Variants in REV3L observed in about 807,000 individuals in gnomAD.
REV3L encodes the protein REV3 like, DNA directed polymerase zeta catalytic subunit, also known as DNA polymerase zeta catalytic subunit.
Under a neutral mutation model 299.4 loss-of-function variants are expected in REV3L, and 69 were observed. The ratio of observed to expected loss-of-function variants is 0.23; its 90% CI spans 0.19 to 0.28. REV3L has a LOEUF of 0.28. Among genes scored for constraint, REV3L ranks in the 10% least tolerant of loss-of-function variants. REV3L has a pLI of 1.00. For missense variants in REV3L, 3,128 were observed against 3,693.8 expected (o/e 0.85, Z 3.97); for synonymous variants, 1,238 against 1,271.4 (o/e 0.97, Z 0.56).
At position 111,376,086 on chromosome 6, in the gene REV3L, C is replaced by T. The variant is rs747077009; in HGVS notation, c.2269G>A (p.Val757Met). ...LSCSGENRTMVHSLNSTADES... is the reference protein window; with the variant it reads ...LSCSGENRTMMHSLNSTADES... ...TCAGCAGTGCTATTAAGAGAATGCACCATAGTTCTATTCTCCCCTGAGCAT... is the reference window on the plus strand; with the variant it reads ...TCAGCAGTGCTATTAAGAGAATGCATCATAGTTCTATTCTCCCCTGAGCAT... Residue 757 changes from valine to methionine, a missense_variant, in exon 13 of 32, where the codon GTG becomes ATG. Physicochemically the swap from Val to Met is conservative, Grantham distance 21 (BLOSUM62 1). This residue lies in a region of REV3L where 2,409 missense variants were observed against 2,611.8 expected (regional missense o/e 0.92). Coordinates refer to ENST00000368802, the MANE Select transcript of REV3L (RefSeq NM_001372078.1). 5.0e-6 allele frequency: 8 copies of T among 1,613,476 alleles called. No individual in the cohort carries two copies. The highest frequency in any genetic ancestry group is 3.3e-4 in the Middle Eastern group (2 of 6,080).
chr6:111,468,218 C>A lies in REV3L; in HGVS notation c.139+14532G>T, dbSNP rs1013512245. Among the ~76,000 whole-genome samples the A allele has an allele frequency of 5.9e-5, 9 of 152,280 alleles. No homozygotes were observed. In the South Asian group the frequency reaches 1.7e-3, roughly 28 times the overall value. ...GATTTGATAATGCCAGGATCTTTTC[C>A]TTCCATTCCCATGCCTAATACTTAA... On this transcript the variant is annotated intron_variant, in intron 1 of 31. Coordinates refer to ENST00000368802, the MANE Select transcript of REV3L (RefSeq NM_001372078.1).
chr6:111,436,837 C>T (rs890880897), intron 1 of REV3L, among the ~76,000 whole-genome samples: 3 of 152,164 alleles, frequency 2.0e-5, no homozygotes, highest in African/African-American at 7.2e-5. Context: ...ATCCCAATTA[C>T]ACTGATTTGA....
Position 111,482,955 on chromosome 6 carries a change from C to A in REV3L, c.-67G>T. The A allele has an allele frequency of 6.9e-7, 1 of 1,445,540 alleles. No individual in the cohort carries two copies. Among genetic ancestry groups the A allele is most frequent in the Non-Finnish European group, 9.0e-7 (1 of 1,105,540 alleles). 89.5% of individuals were successfully genotyped at this position (1,445,540 alleles called of 1,614,324 possible). Reference sequence around the variant, plus strand: ...GCAGCGGCAGCAGCAGCGGCGGCGGCTCCCTCCGCAGCGGCGGCGGCGCCC... The same window carrying A: ...GCAGCGGCAGCAGCAGCGGCGGCGGATCCCTCCGCAGCGGCGGCGGCGCCC... On this transcript the variant is annotated 5_prime_UTR_variant, in exon 1 of 32. Transcript: ENST00000368802.
At chr6:111,425,279 ACC>A (rs1263313496) in intron 1 of REV3L, among the ~76,000 whole-genome samples, 2 of 151,706 alleles carry the variant, frequency 1.3e-5, no homozygotes, top group Admixed American at 6.6e-5. Context: ...GAACATGGAA[ACC>A]CCGTCTCTAC....
intron 10 of REV3L, among the ~76,000 whole-genome samples, chr6:111,380,489 G>A (rs1213746603): frequency 6.6e-6 from 1 of 152,134 alleles, no homozygotes; most frequent in Non-Finnish European, 1.5e-5. Flanking sequence ...TCGATCTCCT[G>A]ACCTCGTGAT....
chr6:111,318,901 G>A (rs937220185), intron 26 of REV3L, among the ~76,000 whole-genome samples: 3 of 151,964 alleles, frequency 2.0e-5, no homozygotes, highest in African/African-American at 2.4e-5. Flanking sequence ...ATTTCTGTAC[G>A]GTTTTATAAT....
At chr6:111,482,092 C>G (rs540816653) in intron 1 of REV3L, among the ~76,000 whole-genome samples, 1 of 152,268 alleles carries the variant, frequency 6.6e-6, no homozygotes, top group Non-Finnish European at 1.5e-5. Context: ...AGCACTGCAC[C>G]TAAGGATGCT....
rs749363545 is a variant in REV3L at position 111,299,853 on chromosome 6, TCAA to T, written c.*160_*162del. The T allele has an allele frequency of 1.2e-5, 7 of 575,180 alleles. No homozygotes were observed. Among genetic ancestry groups the T allele is most frequent in the African/African-American group, 1.9e-5 (1 of 51,704 alleles). The allele number at this position is 575,180 out of a possible 1,614,324, so 35.6% of individuals were successfully genotyped here. The stretch of plus-strand genomic sequence containing the variant: ...TTGTAAGAAGTGAGCTATTCAGAGA[TCAA>T]CAAGTACATTTTAATTCGGTTAGCA... On this transcript the variant is annotated 3_prime_UTR_variant, in exon 32 of 32. Coordinates refer to ENST00000368802, the MANE Select transcript of REV3L (RefSeq NM_001372078.1).
chr6:111,466,510 G>A (rs756307923), intron 1 of REV3L, among the ~76,000 whole-genome samples: 8 of 152,142 alleles, frequency 5.3e-5, no homozygotes, highest in Non-Finnish European at 1.0e-4. Context: ...TGTATTAAAT[G>A]TACATACTGT....
chr6:111,422,577 C>CAT (rs1198058626), intron 1 of REV3L, among the ~76,000 whole-genome samples: 743 of 20,612 alleles, frequency 0.036, 82 homozygotes, highest in African/African-American at 0.057. Flanking sequence ...TATATATATA[C>CAT]ACATATATAT....
chr6:111,355,610 C>T (rs1778007768), intron 18 of REV3L, among the ~76,000 whole-genome samples: 1 of 152,090 alleles, frequency 6.6e-6, no homozygotes, highest in African/African-American at 2.4e-5. Flanking sequence ...AGTTATTATA[C>T]TTGCAAATGA....
At chr6:111,302,123 T>C (rs955151075) in intron 31 of REV3L, among the ~76,000 whole-genome samples, 1 of 152,224 alleles carries the variant, frequency 6.6e-6, no homozygotes, top group Non-Finnish European at 1.5e-5. Context: ...GCACACTTTT[T>C]CTAAGTAGAC....
At chr6:111,312,774 T>A (rs1773120223) in intron 28 of REV3L, 1 of 152,298 alleles carries the variant, frequency 6.6e-6, no homozygotes, top group Admixed American at 6.5e-5. Flanking sequence ...GCCAGGCTGG[T>A]CTCGAACTCC....
intron 27 of REV3L, 112 bp from the exon 28 acceptor site, chr6:111,313,601 CTA>C: frequency 9.2e-7 from 1 of 1,084,324 alleles, no homozygotes; most frequent in Non-Finnish European, 1.3e-6. Flanking sequence ...TTAAAAAATT[CTA>C]TATATGACTT....
chr6:111,478,241 T>A (rs1339149529), intron 1 of REV3L, among the ~76,000 whole-genome samples: 1 of 152,214 alleles, frequency 6.6e-6, no homozygotes, highest in East Asian at 1.9e-4. Flanking sequence ...TGCTTTGTCT[T>A]ATACACATTT....
chr6:111,381,410 A>G lies in REV3L; in HGVS notation c.1131T>C (p.Ile377=), dbSNP rs752689831. 2.5e-6 allele frequency: 4 copies of G among 1,613,334 alleles called. No individual in the cohort carries two copies. The Admixed American group carries it at 6.7e-5, about 27-fold the overall frequency. Residue 377 remains isoleucine (I), a synonymous_variant, in exon 10 of 32, where the codon ATT becomes ATC. Transcript: ENST00000368802. ...TAAGGTTCAAAATTGCTTCTTCATTAATAAGAGCTTCTTCCACTTTGTGTC... is the reference window on the plus strand; with the variant it reads ...TAAGGTTCAAAATTGCTTCTTCATTGATAAGAGCTTCTTCCACTTTGTGTC... The part of the protein sequence containing the change: ...HTRHKVEEAL[I]NEEAILNLME...
chr6:111,457,763 C>G (rs143476465), intron 1 of REV3L, among the ~76,000 whole-genome samples: 2 of 151,698 alleles, frequency 1.3e-5, no homozygotes, highest in Non-Finnish European at 2.9e-5. Flanking sequence ...AAAGAGAAGA[C>G]AGAACAGGTC....
intron 1 of REV3L, among the ~76,000 whole-genome samples, chr6:111,442,592 C>T (rs967340328): frequency 6.6e-5 from 10 of 152,080 alleles, no homozygotes; most frequent in African/African-American, 2.4e-4. Context: ...ATAATAAGTC[C>T]ACGTAAAACT....
chr6:111,377,451 C>A lies in REV3L; in HGVS notation c.1597+250G>T, dbSNP rs538764126. ...CCTTGGGCTCAAGTAAGCCTCCCAC[C>A]TCAGCCTCCTGAGTAGCTGGGACTA... On this transcript the variant is annotated intron_variant, in intron 12 of 31. Transcript: ENST00000368802. 2.6e-5 allele frequency among the ~76,000 whole-genome samples: 4 copies of A among 152,260 alleles called. No homozygotes were observed. The South Asian group carries it at 8.3e-4, about 32-fold the overall frequency.
Sources: gnomAD v4.1 joint callset for allele counts (sites outside exome capture counted in the v4.1 genomes callset) on GRCh38, gnomAD v4.1.1 for gene constraint, gnomAD v4.1.1 regional missense constraint, MANE v1.5 for transcripts, NCBI Gene and HGNC (gene_info 2026-07-23, HGNC 2026-07-21) for gene names.